ADHFE1: variants seen among roughly 807,000 people sequenced by gnomAD.
ADHFE1 encodes hydroxyacid-oxoacid transhydrogenase, mitochondrial.
ADHFE1 carries 37 observed loss-of-function variants against 54.8 expected under a neutral mutation model. The ratio of observed to expected loss-of-function variants is 0.68; its 90% CI spans 0.52 to 0.89. The LOEUF (loss-of-function observed/expected upper bound fraction) is 0.89, where lower values mean the gene tolerates loss of function less well. Among genes scored for constraint, ADHFE1 ranks in the 40% least tolerant of loss-of-function variants. The pLI, the probability that ADHFE1 is intolerant of heterozygous loss-of-function variation, is 0.00. For missense variants in ADHFE1, 601 were observed against 591.2 expected (o/e 1.02, Z -0.17); for synonymous variants, 203 against 229.3 (o/e 0.89, Z 1.04).
chr8:66,444,268 C>CT, intron 3 of ADHFE1, 99 bp from the exon 4 acceptor site: 1 of 1,133,380 alleles, frequency 8.8e-7, no homozygotes, highest in Non-Finnish European at 1.3e-6. Flanking sequence ...GGAGTGTATA[C>CT]TTTATGCTCT....
intron 2 of ADHFE1, among the ~76,000 whole-genome samples, chr8:66,442,073 T>G (rs1805777688): frequency 6.6e-6 from 1 of 152,190 alleles, no homozygotes; most frequent in East Asian, 1.9e-4. Context: ...GTTATCCCTA[T>G]GAATTAAAAA....
intron 1 of ADHFE1, among the ~76,000 whole-genome samples, chr8:66,435,606 T>A (rs1805420826): frequency 6.2e-5 from 4 of 64,288 alleles, no homozygotes; most frequent in South Asian, 5.5e-4. Context: ...TCAAGATTTT[T>A]TTTTTTTTTT....
intron 7 of ADHFE1, among the ~76,000 whole-genome samples, chr8:66,448,507 C>T (rs1309188587): frequency 2.0e-5 from 3 of 152,188 alleles, no homozygotes; most frequent in Non-Finnish European, 4.4e-5. Flanking sequence ...CAGTGGTGTG[C>T]TAGTAAACTG....
chr8:66,442,608 G>A (rs1405893932), intron 2 of ADHFE1, among the ~76,000 whole-genome samples, 190 bp from the exon 3 acceptor site: 1 of 152,080 alleles, frequency 6.6e-6, no homozygotes, highest in African/African-American at 2.4e-5. Context: ...ACTGTGCTTG[G>A]CCGCATTACA....
Position 66,439,295 on chromosome 8 carries a change from C to CA in ADHFE1, c.60-866dup. ...ACTCAAGTATCTACCGAGACCCAAC[C>CA]ACTGGACAAGGTCTTCTGGGCAACC... On this transcript the variant is annotated intron_variant, in intron 1 of 13. Transcript: ENST00000396623. This position sits in a 1 kb window ranked among gnomAD's most constrained non-coding sequence, Gnocchi z 4.4. 1.0e-6 allele frequency: 1 copy of CA among 985,458 alleles called. No homozygotes were observed. The highest frequency in any genetic ancestry group is 4.7e-5 in the South Asian group (1 of 21,280). The allele number at this position is 985,458 out of a possible 1,614,324, so 61.0% of individuals were successfully genotyped here.
Position 66,468,493 on chromosome 8 carries a change from G to A in ADHFE1, c.*141G>A. On this transcript the variant is annotated 3_prime_UTR_variant, in exon 14 of 14. Coordinates refer to ENST00000396623, the MANE Select transcript of ADHFE1 (RefSeq NM_144650.3). ...GGTGGGATATACATTTATCTTGCAGGAAATTCCCCAAAGCTCAGAGTCCAG... is the reference window on the plus strand; with the variant it reads ...GGTGGGATATACATTTATCTTGCAGAAAATTCCCCAAAGCTCAGAGTCCAG... 1.7e-6 allele frequency: 1 copy of A among 581,318 alleles called. No individual in the cohort carries two copies. Among genetic ancestry groups the A allele is most frequent in the Non-Finnish European group, 2.8e-6 (1 of 360,180 alleles). The allele number at this position is 581,318 out of a possible 1,614,324, so 36.0% of individuals were successfully genotyped here.
At chr8:66,433,969 T>C (rs1805334633) in intron 1 of ADHFE1, among the ~76,000 whole-genome samples, 1 of 152,222 alleles carries the variant, frequency 6.6e-6, no homozygotes, top group South Asian at 2.1e-4. Flanking sequence ...TTTGGAATGG[T>C]TGCATGAAAA....
At position 66,445,128 on chromosome 8, in the gene ADHFE1, C is replaced by G; in HGVS notation, c.354-90C>G. 4 of 1,289,632 alleles carry G rather than the reference C, an allele frequency of 3.1e-6. No homozygotes were observed. In the South Asian group the frequency reaches 4.6e-5, roughly 15 times the overall value. The allele number at this position is 1,289,632 out of a possible 1,614,324, so 79.9% of individuals were successfully genotyped here. A position where few individuals can be genotyped will look rare whatever the true frequency, so the allele number is the denominator to read the frequency against. On this transcript the variant is annotated intron_variant, in intron 5 of 13. Transcript: ENST00000396623. ...AAAAAAAACAAAAACAAAAAAAACC[C>G]CACAAAACTTACCCCAAGCCTTAGT... is the stretch of plus-strand genomic sequence containing the variant.
At chr8:66,436,750 T>C (rs960319578) in intron 1 of ADHFE1, among the ~76,000 whole-genome samples, 6 of 151,838 alleles carry the variant, frequency 4.0e-5, no homozygotes, top group South Asian at 2.1e-4. Flanking sequence ...AGGGACTGAG[T>C]GTGGAAAGAA....
rs61743396 is a variant in ADHFE1 at position 66,448,871 on chromosome 8, C to A, written c.635C>A (p.Thr212Asn). 1.8e-5 allele frequency: 29 copies of A among 1,613,888 alleles called. No homozygotes were observed. The African/African-American group carries it at 3.7e-4, about 21-fold the overall frequency. The stretch of plus-strand genomic sequence containing the variant: ...GAAAATCCTTATGTTTTAGGCATCA[C>A]TTCGAGAGCCATCAAACCCACACTG... ...YEHLKVKIGI[T>N]SRAIKPTLGL... The change falls in exon 8 of 14, where the codon ACT becomes AAT. Residue 212 changes from threonine to asparagine, a missense_variant. Physicochemically the swap from Thr to Asn is moderately conservative, Grantham distance 65 (BLOSUM62 0). Transcript: ENST00000396623.
intron 9 of ADHFE1, 68 bp downstream of exon 9, chr8:66,452,173 C>T: frequency 6.4e-7 from 1 of 1,565,544 alleles, no homozygotes; most frequent in South Asian, 1.2e-5. Context: ...TGAAACATGA[C>T]ATGCCTGAGC....
intron 8 of ADHFE1, among the ~76,000 whole-genome samples, chr8:66,451,403 C>T (rs770398882): frequency 7.9e-5 from 12 of 152,096 alleles, no homozygotes; most frequent in Non-Finnish European, 1.5e-4. Context: ...ATTATTTATC[C>T]CTGTCTTAGA....
chr8:66,466,004 C>G (rs1807157407), intron 13 of ADHFE1, among the ~76,000 whole-genome samples: 1 of 151,308 alleles, frequency 6.6e-6, no homozygotes, highest in Non-Finnish European at 1.5e-5. Flanking sequence ...CTTTGATGCA[C>G]AAAAGTTTTA....
At chr8:66,450,805 C>T (rs1806258991) in intron 8 of ADHFE1, among the ~76,000 whole-genome samples, 1 of 152,234 alleles carries the variant, frequency 6.6e-6, no homozygotes, top group South Asian at 2.1e-4. Context: ...ATGTGGACAC[C>T]TCATTCTTGC....
rs1295069522 is a variant in ADHFE1 at position 66,439,081 on chromosome 8, G to C, written c.60-1081G>C. Among the ~76,000 whole-genome samples the C allele has an allele frequency of 6.6e-6, 1 of 151,990 alleles. No homozygotes were observed. The highest frequency in any genetic ancestry group is 1.5e-5 in the Non-Finnish European group (1 of 67,978). ...GTCCTCTCCCCCGGCGCGCGCGTCG[G>C]GAACCACTAGATGGCAGCCGCGACT... On this transcript the variant is annotated intron_variant, in intron 1 of 13. Transcript: ENST00000396623. This position sits in a 1 kb window ranked among gnomAD's most constrained non-coding sequence, Gnocchi z 4.4.
At chr8:66,437,761 T>C (rs1271200239) in intron 1 of ADHFE1, among the ~76,000 whole-genome samples, 7 of 152,084 alleles carry the variant, frequency 4.6e-5, no homozygotes, top group Admixed American at 3.9e-4. Context: ...AAATTCACAG[T>C]CCACAGGCAG....
intron 6 of ADHFE1, 93 bp downstream of exon 6, chr8:66,445,507 C>T (rs1805982017): frequency 7.3e-6 from 9 of 1,236,424 alleles, no homozygotes; most frequent in East Asian, 2.5e-5. Flanking sequence ...ATACACATTT[C>T]GAAAGCTTTC....
At chr8:66,465,419 G>A (rs1053942373) in intron 13 of ADHFE1, among the ~76,000 whole-genome samples, 30 of 152,040 alleles carry the variant, frequency 2.0e-4, no homozygotes, top group African/African-American at 7.0e-4. Flanking sequence ...CCATTCTAAT[G>A]GTGTGAAGTG....
At chr8:66,440,953 C>T (rs2130363976) in intron 2 of ADHFE1, among the ~76,000 whole-genome samples, 1 of 152,254 alleles carries the variant, frequency 6.6e-6, no homozygotes, top group East Asian at 1.9e-4. Flanking sequence ...TCGCCAAGGG[C>T]TTTCTCTTGC....
Sources: gnomAD v4.1 joint callset for allele counts (sites outside exome capture counted in the v4.1 genomes callset) on GRCh38, gnomAD v4.1.1 for gene constraint, Gnocchi (gnomAD v3.1) non-coding constraint, MANE v1.5 for transcripts, NCBI Gene and HGNC (gene_info 2026-07-23, HGNC 2026-07-21) for gene names.